The following RIT2 variants were observed in gnomAD, a reference collection of about 807,000 sequenced individuals.
RIT2 encodes the protein GTP-binding protein Rit2.
A neutral mutation model predicts 23.7 loss-of-function variants in RIT2; 24 were observed. The ratio of observed to expected loss-of-function variants is 1.01; its 90% CI spans 0.73 to 1.43. The LOEUF is 1.43. Ranked by LOEUF, RIT2 falls within the 40% of genes most tolerant of loss-of-function variation. The pLI is 0.00. For synonymous variants in RIT2, 107 were observed against 91.1 expected (o/e 1.17, Z -0.99); for missense variants, 236 against 266.9 (o/e 0.88, Z 0.81).
At chr18:42,770,208 G>T (rs1598646866) in intron 4 of RIT2, among the ~76,000 whole-genome samples, 1 of 152,162 alleles carries the variant, frequency 6.6e-6, no homozygotes, top group African/African-American at 2.4e-5. Context: ...TGAATGACAA[G>T]CTAACATAAC....
intron 1 of RIT2, among the ~76,000 whole-genome samples, chr18:43,085,149 C>T (rs947385793): frequency 6.6e-6 from 1 of 151,338 alleles, no homozygotes; most frequent in Non-Finnish European, 1.5e-5. Flanking sequence ...ATTGACTACT[C>T]TTATATAGCA....
At chr18:42,744,153 T>C (rs1912864235) in intron 4 of RIT2, among the ~76,000 whole-genome samples, 1 of 152,044 alleles carries the variant, frequency 6.6e-6, no homozygotes, top group Non-Finnish European at 1.5e-5. Flanking sequence ...TAATTTTCCT[T>C]TACCTACCCA....
chr18:42,977,687 A>G (rs891172113), intron 2 of RIT2, among the ~76,000 whole-genome samples: 2 of 151,874 alleles, frequency 1.3e-5, no homozygotes, highest in Admixed American at 6.6e-5. Flanking sequence ...AGACATACAT[A>G]TAAACACATA....
At chr18:42,806,860 C>T (rs1356817816) in intron 4 of RIT2, among the ~76,000 whole-genome samples, 1 of 152,096 alleles carries the variant, frequency 6.6e-6, no homozygotes, top group African/African-American at 2.4e-5. Flanking sequence ...TAGCTGAGTC[C>T]ATACTTAAGC....
Position 42,825,728 on chromosome 18 carries a change from A to G in RIT2, c.427-82008T>C, listed in dbSNP as rs531091687. Among the ~76,000 whole-genome samples the G allele has an allele frequency of 2.0e-5, 3 of 152,044 alleles. No homozygotes were observed. In the South Asian group the frequency reaches 6.2e-4, roughly 32 times the overall value. ...GTATGTATGTATATTAATTTACAAT[A>G]ATCTCTAGGAAAAATTATAATAGGT... On this transcript the variant is annotated intron_variant, in intron 4 of 4. Transcript: ENST00000326695.
At chr18:43,075,928 A>G (rs758144022) in intron 1 of RIT2, among the ~76,000 whole-genome samples, 61 of 152,196 alleles carry the variant, frequency 4.0e-4, no homozygotes, top group Non-Finnish European at 7.6e-4. Context: ...GGCTTTAGTG[A>G]ATAAAAGGGT....
chr18:43,058,301 C>T (rs982495300), intron 1 of RIT2, among the ~76,000 whole-genome samples: 3 of 151,938 alleles, frequency 2.0e-5, no homozygotes, highest in East Asian at 3.9e-4. Context: ...CATGAGAAGC[C>T]CAGGTGTGAA....
intron 4 of RIT2, among the ~76,000 whole-genome samples, chr18:42,749,465 T>A (rs1036727082): frequency 1.3e-5 from 2 of 151,490 alleles, no homozygotes; most frequent in African/African-American, 4.8e-5. Context: ...AAGGAAATGA[T>A]AAACAGATAA....
chr18:42,874,193 G>C (rs555331585), intron 4 of RIT2, among the ~76,000 whole-genome samples: 3 of 152,048 alleles, frequency 2.0e-5, no homozygotes, highest in African/African-American at 7.2e-5. Context: ...GATATGTAAT[G>C]GTCTTTCTTA....
intron 4 of RIT2, among the ~76,000 whole-genome samples, chr18:42,772,186 C>T (rs1054412875): frequency 2.0e-5 from 3 of 152,116 alleles, no homozygotes; most frequent in African/African-American, 7.2e-5. Flanking sequence ...TCTTCTGACA[C>T]CACATCAATG....
At chr18:42,844,691 G>A (rs1283519201) in intron 4 of RIT2, among the ~76,000 whole-genome samples, 1 of 151,962 alleles carries the variant, frequency 6.6e-6, no homozygotes, top group Non-Finnish European at 1.5e-5. Flanking sequence ...ATGTAGTTTT[G>A]GAAAAGGCAA....
At chr18:43,068,727 G>A (rs528901220) in intron 1 of RIT2, among the ~76,000 whole-genome samples, 1 of 152,198 alleles carries the variant, frequency 6.6e-6, no homozygotes, top group Non-Finnish European at 1.5e-5. Context: ...TATTACAATT[G>A]GTAAGGTAGT....
At chr18:42,846,873 TGAA>T (rs1419560390) in intron 4 of RIT2, among the ~76,000 whole-genome samples, 2 of 152,132 alleles carry the variant, frequency 1.3e-5, no homozygotes, top group African/African-American at 4.8e-5. Context: ...GAAAATGTCA[TGAA>T]TAGCCACTGA....
intron 2 of RIT2, among the ~76,000 whole-genome samples, chr18:43,017,924 T>C (rs1447825673): frequency 6.6e-6 from 1 of 152,004 alleles, no homozygotes; most frequent in Non-Finnish European, 1.5e-5. Flanking sequence ...GTAATTTTGG[T>C]GAATATAGGA....
chr18:42,997,985 AT>A lies in RIT2; in HGVS notation c.161-23839del, dbSNP rs1475738099. On this transcript the variant is annotated intron_variant, in intron 2 of 4. Transcript: ENST00000326695. ...AATGGAAACTTTAGATTGTAACCAA[AT>A]CATCTAAGCCACAGAACAATGTAGC... Among the ~76,000 whole-genome samples, 19 of 152,162 alleles carry A rather than the reference AT, an allele frequency of 1.2e-4. 1 individual carries two copies. The highest frequency in any genetic ancestry group is 2.5e-4 in the Non-Finnish European group (17 of 68,018).
At chr18:42,913,689 G>A (rs1286587702) in intron 4 of RIT2, among the ~76,000 whole-genome samples, 1 of 151,994 alleles carries the variant, frequency 6.6e-6, no homozygotes, top group Non-Finnish European at 1.5e-5. Context: ...AGAGTAAAAA[G>A]GTGGTTGCTA....
chr18:43,107,784 C>T (rs549589330), intron 1 of RIT2, among the ~76,000 whole-genome samples: 14 of 152,108 alleles, frequency 9.2e-5, no homozygotes, highest in East Asian at 1.9e-4. Context: ...ATCTAATAAG[C>T]GTAGCACTCT....
intron 4 of RIT2, among the ~76,000 whole-genome samples, chr18:42,800,888 G>A (rs980293776): frequency 6.6e-5 from 10 of 151,936 alleles, no homozygotes; most frequent in African/African-American, 2.4e-4. Flanking sequence ...TCCTATATTG[G>A]AATTATTACC....
intron 4 of RIT2, among the ~76,000 whole-genome samples, chr18:42,784,240 T>C (rs145422192): frequency 2.0e-5 from 3 of 150,580 alleles, no homozygotes; most frequent in East Asian, 3.9e-4. Flanking sequence ...TCCTTGATGA[T>C]TCTAGTCTTC....
Sources: allele counts gnomAD v4.1 joint callset (sites outside exome capture counted in the v4.1 genomes callset), GRCh38; gene constraint gnomAD v4.1.1; transcripts MANE v1.5; gene names NCBI Gene and HGNC (gene_info 2026-07-23, HGNC 2026-07-21).